LUC7L2: variants seen among roughly 807,000 people sequenced by gnomAD.
LUC7L2 encodes LUC7 like 2, pre-mRNA splicing factor.
Under a neutral mutation model 52.8 loss-of-function variants are expected in LUC7L2, and 25 were observed. That is an observed-to-expected ratio of 0.47 (90% CI 0.34 to 0.66). The LOEUF (loss-of-function observed/expected upper bound fraction) is 0.66, where lower values mean the gene tolerates loss of function less well. Among genes scored for constraint, LUC7L2 ranks in the 30% least tolerant of loss-of-function variants. The pLI, the probability that LUC7L2 is intolerant of heterozygous loss-of-function variation, is 0.01. For missense variants in LUC7L2, 328 were observed against 497.8 expected, an observed-to-expected ratio of 0.66 and a Z score of 3.25; for synonymous variants, 144 against 160.9, an observed-to-expected ratio of 0.89 and a Z score of 0.80.
intron 1 of LUC7L2, chr7:139,375,387 G>A: frequency 1.0e-6 from 1 of 985,360 alleles, no homozygotes; most frequent in Non-Finnish European, 1.2e-6. Flanking sequence ...GGAACCTTTG[G>A]ACGCATTAAA....
intron 9 of LUC7L2, among the ~76,000 whole-genome samples, chr7:139,418,113 C>T (rs1795710392): frequency 6.6e-6 from 1 of 152,112 alleles, no homozygotes. Context: ...TTATTGTTTT[C>T]TAAACTTATT....
At chr7:139,389,319 T>C (rs1430468328) in intron 2 of LUC7L2, among the ~76,000 whole-genome samples, 1 of 152,188 alleles carries the variant, frequency 6.6e-6, no homozygotes, top group Non-Finnish European at 1.5e-5. Flanking sequence ...TTCAGACTCT[T>C]TCACCATCTA....
rs111992338 is a variant in LUC7L2 at position 139,381,093 on chromosome 7, C to T, written c.156+4937C>T. On this transcript the variant is annotated intron_variant, in intron 2 of 9. Coordinates refer to ENST00000354926, the MANE Select transcript of LUC7L2 (RefSeq NM_016019.5). ...GCCCTCATATCTTCTAGTGTAAAGT[C>T]ATCATTTTACAGTTCAGAAAAACTA... is the stretch of plus-strand genomic sequence containing the variant. Among the ~76,000 whole-genome samples, 196 of 151,636 alleles carry T rather than the reference C, an allele frequency of 1.3e-3. 1 individual carries two copies. The highest frequency in any genetic ancestry group is 4.4e-3 in the African/African-American group (184 of 41,398).
intron 1 of LUC7L2, among the ~76,000 whole-genome samples, chr7:139,346,911 G>T (rs1414276438): frequency 1.3e-5 from 2 of 151,690 alleles, no homozygotes; most frequent in Non-Finnish European, 2.9e-5. Context: ...CAATTATTTA[G>T]CAATTTCAGC....
rs1376433041 is a variant in LUC7L2, at chr7:139,409,488, T to C, written c.688-75T>C. The C allele has an allele frequency of 1.3e-5, 19 of 1,499,110 alleles. No homozygotes were observed. The East Asian group carries it at 3.0e-4, about 24-fold the overall frequency. The allele number at this position is 1,499,110 out of a possible 1,614,324, so 92.9% of individuals were successfully genotyped here. A position where few individuals can be genotyped will look rare whatever the true frequency, so the allele number is the denominator to read the frequency against. On this transcript the variant is annotated intron_variant, in intron 6 of 9. Transcript: ENST00000354926. ...CAGTTGTACTGTATTAGAAACCAGA[T>C]AATATAAAGTTTAGGATAAAGCTGT...
At chr7:139,413,701 C>T (rs1002012724) in intron 8 of LUC7L2, among the ~76,000 whole-genome samples, 3 of 152,106 alleles carry the variant, frequency 2.0e-5, no homozygotes, top group South Asian at 4.1e-4. Flanking sequence ...TCACTTGAAC[C>T]CAGGAGGTGG....
At chr7:139,408,169 AT>A (rs1460113602) in intron 6 of LUC7L2, among the ~76,000 whole-genome samples, 1 of 152,226 alleles carries the variant, frequency 6.6e-6, no homozygotes, top group African/African-American at 2.4e-5. Context: ...GCCTAGGGAC[AT>A]CTCCATATTC....
At chr7:139,381,927 C>T (rs1220351430) in intron 2 of LUC7L2, among the ~76,000 whole-genome samples, 1 of 144,078 alleles carries the variant, frequency 6.9e-6, no homozygotes, top group Non-Finnish European at 1.5e-5. Flanking sequence ...GCTCTGACAC[C>T]AGGCTGGAGT....
chr7:139,389,713 C>G (rs1192344604), intron 2 of LUC7L2, among the ~76,000 whole-genome samples: 1 of 152,090 alleles, frequency 6.6e-6, no homozygotes, highest in South Asian at 2.1e-4. Flanking sequence ...TATTATGTAA[C>G]AAAATATTGA....
At position 139,345,632 on chromosome 7, in the gene LUC7L2, G is replaced by C. The variant is rs778721535; in HGVS notation, c.-26+5115G>C. The C allele has an allele frequency of 2.5e-6, 4 of 1,614,146 alleles. No individual in the cohort carries two copies. In the Admixed American group the frequency reaches 5.0e-5, roughly 20 times the overall value. On this transcript the variant is annotated intron_variant, in intron 1 of 10. Transcript: ENST00000541170. ...AATTTCATGGCAAGGGTGAGCGCTC[G>C]GTGGAGGAGTCTGCTGGCTTGGTGG...
rs1795941471 is a variant in LUC7L2, at chr7:139,422,313, T to G, written c.1152T>G (p.Ser384=). 3 of 1,613,306 alleles carry G rather than the reference T, an allele frequency of 1.9e-6. No homozygotes were observed. The highest frequency in any genetic ancestry group is 1.7e-5 in the Admixed American group (1 of 59,692). The part of the protein sequence containing the change: ...ANGRSEDRRS[S]EEREAGEI ...GCAGATCAGAAGACAGGAGGAGCTC[T>G]GAAGAGCGCGAAGCAGGGGAGATCT... Residue 384 remains serine (S), a synonymous_variant, in exon 10 of 10, where the codon TCT becomes TCG. Coordinates refer to ENST00000354926, the MANE Select transcript of LUC7L2 (RefSeq NM_016019.5).
intron 2 of LUC7L2, among the ~76,000 whole-genome samples, chr7:139,396,390 C>T (rs1467632957): frequency 6.6e-6 from 1 of 152,012 alleles, no homozygotes; most frequent in Non-Finnish European, 1.5e-5. Context: ...CTGCAGTGAG[C>T]CATGATTATG....
At position 139,422,792 on chromosome 7, in the gene LUC7L2, A is replaced by G. The variant is rs907233171; in HGVS notation, c.*452A>G. The G allele has an allele frequency of 1.8e-5, 7 of 399,632 alleles. No homozygotes were observed. Among genetic ancestry groups the G allele is most frequent in the Non-Finnish European group, 2.6e-5 (6 of 226,594 alleles). The allele number at this position is 399,632 out of a possible 1,614,324, so 24.8% of individuals were successfully genotyped here. A position where few individuals can be genotyped will look rare whatever the true frequency, so the allele number is the denominator to read the frequency against. On this transcript the variant is annotated 3_prime_UTR_variant, in exon 10 of 10. Transcript: ENST00000354926. ...GAGAAAGGGGGCAGGGAAGCAATAT[A>G]GCTTCCATTCTAAGGCTGTATTCCC...
rs758350536 is a variant in LUC7L2, at chr7:139,422,352, C to T, written c.*12C>T. The T allele has an allele frequency of 6.2e-6, 10 of 1,601,430 alleles. No individual in the cohort carries two copies. In the South Asian group the frequency reaches 1.1e-4, roughly 18 times the overall value. ...CAGGGGAGATCTAACTAGCTGTGTA[C>T]ATTTCTTCAGTCCTTAAGCTTCCTA... is the stretch of plus-strand genomic sequence containing the variant. On this transcript the variant is annotated 3_prime_UTR_variant, in exon 10 of 10. Coordinates refer to ENST00000354926, the MANE Select transcript of LUC7L2 (RefSeq NM_016019.5).
At chr7:139,369,571 T>C (rs879858392) in intron 1 of LUC7L2, among the ~76,000 whole-genome samples, 2 of 152,200 alleles carry the variant, frequency 1.3e-5, no homozygotes, top group Non-Finnish European at 2.9e-5. Context: ...ATTTTCATCA[T>C]CACCATTCTG....
At chr7:139,341,305 C>T in intron 1 of LUC7L2, 1 of 1,535,188 alleles carries the variant, frequency 6.5e-7, no homozygotes, top group Non-Finnish European at 8.8e-7. Context: ...CCGACCGTAC[C>T]ATTAGGCGCC....
intron 1 of LUC7L2, chr7:139,340,630 A>C (rs1403752095): frequency 5.0e-6 from 2 of 396,702 alleles, no homozygotes; most frequent in Non-Finnish European, 8.9e-6. Flanking sequence ...GTAAGGCGAA[A>C]ATGAAGTGAC....
At chr7:139,409,682 A>G (rs752274772) in intron 7 of LUC7L2, 28 bp downstream of exon 7, 1 of 1,569,328 alleles carries the variant, frequency 6.4e-7, no homozygotes, top group African/African-American at 1.4e-5. Flanking sequence ...AAGTAATTGA[A>G]GTTGAATCTC....
chr7:139,381,160 A>G (rs1800992686), intron 2 of LUC7L2, among the ~76,000 whole-genome samples: 2 of 152,248 alleles, frequency 1.3e-5, no homozygotes, highest in African/African-American at 2.4e-5. Flanking sequence ...CAATAAAAAA[A>G]AACCACAGTA....
Sources: gnomAD v4.1 joint callset for allele counts (sites outside exome capture counted in the v4.1 genomes callset) on GRCh38, gnomAD v4.1.1 for gene constraint, MANE v1.5 for transcripts, NCBI Gene and HGNC (gene_info 2026-07-23, HGNC 2026-07-21) for gene names.